NOX4: variants seen among roughly 807,000 people sequenced by gnomAD.
NOX4 encodes the protein kidney oxidase-1.
NOX4 carries 69 observed loss-of-function variants against 87.6 expected under a neutral mutation model. That is an observed-to-expected ratio of 0.79 (90% CI 0.65 to 0.96). The LOEUF (loss-of-function observed/expected upper bound fraction) is 0.96. Among genes scored for constraint, NOX4 ranks in the 40% least tolerant of loss-of-function variants. The pLI, the probability that NOX4 is intolerant of heterozygous loss-of-function variation, is 0.00. For missense variants in NOX4, 680 were observed against 681.5 expected (o/e 1.00, Z 0.02); for synonymous variants, 275 against 238.2 (o/e 1.15, Z -1.42).
At chr11:89,481,115 AAGCACCCTTGTG>A (rs1946373314) in intron 2 of NOX4, among the ~76,000 whole-genome samples, 2 of 152,122 alleles carry the variant, frequency 1.3e-5, no homozygotes, top group African/African-American at 4.8e-5. Context: ...GCCATTTATT[AAGCACCCTTGTG>A]AGCACTGAAA....
the NOX4 span, among the ~76,000 whole-genome samples, chr11:89,556,162 A>G: frequency 2.0e-5 from 3 of 152,252 alleles, no homozygotes; most frequent in Non-Finnish European, 4.4e-5. Context: ...GTAAACCATA[A>G]TAAATATTTA....
chr11:89,444,244 C>T lies in NOX4; in HGVS notation c.350-12G>A. 1 of 1,609,546 alleles carries T rather than the reference C, an allele frequency of 6.2e-7. No individual in the cohort carries two copies. The highest frequency in any genetic ancestry group is 8.5e-7 in the Non-Finnish European group (1 of 1,176,124). Reference sequence around the variant, plus strand: ...AGCCACATGCACGCCTACAGAATTACACCAGGGGTAAGTTAGTGGGATTTG... The same window carrying T: ...AGCCACATGCACGCCTACAGAATTATACCAGGGGTAAGTTAGTGGGATTTG... On this transcript the variant is annotated splice_polypyrimidine_tract_variant and intron_variant, in intron 4 of 17. Transcript: ENST00000263317.
At chr11:89,488,754 G>C (rs918414801) in intron 2 of NOX4, among the ~76,000 whole-genome samples, 1 of 152,132 alleles carries the variant, frequency 6.6e-6, no homozygotes, top group African/African-American at 2.4e-5. Context: ...TAATAGATGA[G>C]ATAAAGCTTC....
intron 15 of NOX4, 109 bp downstream of exon 15, chr11:89,339,954 A>G: frequency 5.5e-6 from 3 of 549,920 alleles, no homozygotes; most frequent in Middle Eastern, 5.7e-4. Flanking sequence ...ACTTATCTGC[A>G]TAATTTCTAT....
At chr11:89,433,498 G>A (rs1943920591) in intron 6 of NOX4, among the ~76,000 whole-genome samples, 1 of 151,892 alleles carries the variant, frequency 6.6e-6, no homozygotes. Context: ...TCTCCCTCAT[G>A]CTCTCCTTCC....
chr11:89,532,517 G>T, the NOX4 span, among the ~76,000 whole-genome samples: 2 of 152,202 alleles, frequency 1.3e-5, no homozygotes, highest in African/African-American at 4.8e-5. Context: ...TATCTAGGAA[G>T]TAACTAACTT....
At chr11:89,575,017 T>C in the NOX4 span, among the ~76,000 whole-genome samples, 3 of 152,126 alleles carry the variant, frequency 2.0e-5, no homozygotes, top group African/African-American at 7.2e-5. Flanking sequence ...ACCCCGTCTC[T>C]ACTAAAAATA....
At chr11:89,490,386 T>C in intron 2 of NOX4, 72 bp downstream of exon 2, 1 of 1,042,472 alleles carries the variant, frequency 9.6e-7, no homozygotes. Context: ...TGAATGGAAC[T>C]GACCAAACCT....
the NOX4 span, among the ~76,000 whole-genome samples, chr11:89,536,727 T>C: frequency 1.2e-3 from 177 of 152,300 alleles, 4 homozygotes; most frequent in South Asian, 9.5e-3. Context: ...ATTATGGCTA[T>C]GGTTATGGTT....
At chr11:89,357,256 A>G (rs1347721112) in intron 12 of NOX4, among the ~76,000 whole-genome samples, 5 of 152,054 alleles carry the variant, frequency 3.3e-5, no homozygotes. Flanking sequence ...CTTACAACAT[A>G]GATGAGGAGG....
At position 89,431,845 on chromosome 11, in the gene NOX4, T is replaced by C. The variant is rs558418751; in HGVS notation, c.548+939A>G. Among the ~76,000 whole-genome samples the C allele has an allele frequency of 1.6e-4, 25 of 152,286 alleles. No individual in the cohort carries two copies. The South Asian group carries it at 4.8e-3, about 29-fold the overall frequency. Reference sequence around the variant, plus strand: ...ATACCATTTGACCCAGCCATCCCATTACTGGGTATATACCCAAAGGATTAT... The same window carrying C: ...ATACCATTTGACCCAGCCATCCCATCACTGGGTATATACCCAAAGGATTAT... On this transcript the variant is annotated intron_variant, in intron 7 of 17. Coordinates refer to ENST00000263317, the MANE Select transcript of NOX4 (RefSeq NM_016931.5).
At position 89,373,446 on chromosome 11, in the gene NOX4, A is replaced by T; in HGVS notation, c.1121T>A (p.Val374Glu). The change falls in exon 12 of 18, where the codon GTA becomes GAA. Residue 374 changes from valine (V) to glutamate (E), a missense_variant. Coordinates refer to ENST00000263317, the MANE Select transcript of NOX4 (RefSeq NM_016931.5). Reference sequence around the variant, plus strand: ...GTTCTACATACCTGTCCAGTCTCCTACTATTTTAAGATGAACCCCAAATGT... The same window carrying T: ...GTTCTACATACCTGTCCAGTCTCCTTCTATTTTAAGATGAACCCCAAATGT... ...KATFGVHLKI[V>E]GDWTERFRDL... 6.3e-7 allele frequency: 1 copy of T among 1,592,320 alleles called. No homozygotes were observed. The highest frequency in any genetic ancestry group is 8.6e-7 in the Non-Finnish European group (1 of 1,161,208).
At chr11:89,469,779 C>T (rs1009769036) in intron 2 of NOX4, among the ~76,000 whole-genome samples, 1 of 152,084 alleles carries the variant, frequency 6.6e-6, no homozygotes, top group Non-Finnish European at 1.5e-5. Flanking sequence ...ATACTGTTAC[C>T]CAATCAACAA....
chr11:89,580,665 T>A, the NOX4 span, among the ~76,000 whole-genome samples: 1 of 152,196 alleles, frequency 6.6e-6, no homozygotes, highest in Admixed American at 6.5e-5. Context: ...GGGAATTATA[T>A]TATATTGAAG....
At chr11:89,583,061 C>T in the NOX4 span, among the ~76,000 whole-genome samples, 1 of 152,118 alleles carries the variant, frequency 6.6e-6, no homozygotes, top group Non-Finnish European at 1.5e-5. Context: ...TAAAAATACA[C>T]AATCAAAATA....
chr11:89,338,837 A>G (rs1384896336), intron 15 of NOX4, among the ~76,000 whole-genome samples: 1 of 152,082 alleles, frequency 6.6e-6, no homozygotes, highest in East Asian at 1.9e-4. Flanking sequence ...GTTGTTCTTG[A>G]ACATGCAATA....
At chr11:89,522,865 C>T in the NOX4 span, among the ~76,000 whole-genome samples, 3 of 152,048 alleles carry the variant, frequency 2.0e-5, no homozygotes, top group African/African-American at 4.8e-5. Flanking sequence ...AAACAAAGCC[C>T]TTTAATAAAT....
chr11:89,357,335 T>C (rs1249377092), intron 12 of NOX4, among the ~76,000 whole-genome samples: 1 of 152,140 alleles, frequency 6.6e-6, no homozygotes, highest in South Asian at 2.1e-4. Flanking sequence ...ATACTCTGTG[T>C]TTTTCTCGAA....
At chr11:89,451,209 A>G (rs1944943968) in intron 3 of NOX4, among the ~76,000 whole-genome samples, 1 of 152,120 alleles carries the variant, frequency 6.6e-6, no homozygotes, top group South Asian at 2.1e-4. Context: ...AACTTAAAGT[A>G]TAATAAAAAA....
Sources: allele counts gnomAD v4.1 joint callset (sites outside exome capture counted in the v4.1 genomes callset), GRCh38; gene constraint gnomAD v4.1.1; transcripts MANE v1.5; gene names NCBI Gene and HGNC (gene_info 2026-07-23, HGNC 2026-07-21).